USPL1: variants seen among roughly 807,000 people sequenced by gnomAD.
USPL1 encodes SUMO-specific isopeptidase USPL1.
Under a neutral mutation model 51.5 loss-of-function variants are expected in USPL1, and 27 were observed. The ratio of observed to expected loss-of-function variants is 0.52; its 90% confidence interval spans 0.39 to 0.72. The LOEUF (loss-of-function observed/expected upper bound fraction) is 0.72. Ranked by LOEUF, USPL1 falls within the 30% of genes least tolerant of loss-of-function variation. The pLI is 0.00. For missense variants in USPL1, 1,226 were observed against 1,268.0 expected, an observed-to-expected ratio of 0.97 and a Z score of 0.50; for synonymous variants, 451 against 459.6, an observed-to-expected ratio of 0.98 and a Z score of 0.24.
chr13:30,650,348 G>C (rs112192927), intron 7 of USPL1, among the ~76,000 whole-genome samples: 8 of 151,860 alleles, frequency 5.3e-5, no homozygotes, highest in Non-Finnish European at 1.0e-4. Context: ...AGGCTGAAGC[G>C]GACAGATCAC....
chr13:30,645,894 T>G (rs145586231), intron 6 of USPL1, among the ~76,000 whole-genome samples: 34 of 152,346 alleles, frequency 2.2e-4, no homozygotes, highest in African/African-American at 7.5e-4. Context: ...TGCACATAGT[T>G]TAAGTGTTCA....
intron 8 of USPL1, among the ~76,000 whole-genome samples, chr13:30,654,774 CAT>C (rs1287556345): frequency 6.6e-6 from 1 of 151,994 alleles, no homozygotes; most frequent in South Asian, 2.1e-4. Context: ...TCAGAGAATT[CAT>C]ATGTCTGTTA....
In USPL1 at chr13:30,621,846, A is replaced by C; in HGVS notation, c.182A>C (p.Tyr61Ser). 6.3e-7 allele frequency: 1 copy of C among 1,582,358 alleles called. No individual in the cohort carries two copies. The highest frequency in any genetic ancestry group is 8.6e-7 in the Non-Finnish European group (1 of 1,165,926). ...GGAAAGTTAAAAGCCTTAAAGACTT[A>C]CCGAATTAGTTTTCAAGAATCTATC... ...EKGKLKALKTYRISFQESIFL... is the reference protein window; with the variant it reads ...EKGKLKALKTSRISFQESIFL... The change falls in exon 3 of 9, where the codon TAC (tyrosine) becomes TCC (serine). Residue 61 changes from tyrosine (Y) to serine (S), a missense_variant. Transcript: ENST00000255304.
chr13:30,626,683 G>A (rs1388443162), intron 3 of USPL1, among the ~76,000 whole-genome samples: 1 of 152,074 alleles, frequency 6.6e-6, no homozygotes, highest in African/African-American at 2.4e-5. Flanking sequence ...TTTTAGTCAG[G>A]TATTTACATT....
chr13:30,625,492 CTGG>C (rs1950702956), intron 3 of USPL1, among the ~76,000 whole-genome samples: 3 of 138,080 alleles, frequency 2.2e-5, no homozygotes, highest in African/African-American at 8.5e-5. Context: ...TGTCACGAGG[CTGG>C]AGTGCAGTGG....
intron 8 of USPL1, 45 bp from the exon 9 acceptor site, chr13:30,657,429 G>A: frequency 3.3e-6 from 5 of 1,529,082 alleles, no homozygotes; most frequent in Non-Finnish European, 4.4e-6. Flanking sequence ...AACCTAGGAT[G>A]GTGGTTTTTG....
At chr13:30,633,772 G>GA (rs1281862753) in intron 4 of USPL1, among the ~76,000 whole-genome samples, 1 of 131,252 alleles carries the variant, frequency 7.6e-6, no homozygotes, top group Non-Finnish European at 1.6e-5. Flanking sequence ...GTGATAGAAT[G>GA]AGACTCTGTC....
chr13:30,647,016 T>C lies in USPL1; in HGVS notation c.1197T>C (p.Asn399=), dbSNP rs2137690808. The stretch of plus-strand genomic sequence containing the variant: ...CTGCCCATTTTGGTCCATGTAACAA[T>C]TGCAACAGTAAATCACAAATAAGAA... ...LNAAHFGPCN[N]CNSKSQIRKM... Residue 399 remains asparagine, a synonymous_variant, in exon 7 of 9, where the codon AAT becomes AAC. Coordinates refer to ENST00000255304, the MANE Select transcript of USPL1 (RefSeq NM_005800.5). 1 of 1,613,416 alleles carries C rather than the reference T, an allele frequency of 6.2e-7. No individual in the cohort carries two copies. The highest frequency in any genetic ancestry group is 8.5e-7 in the Non-Finnish European group (1 of 1,179,368).
intron 4 of USPL1, among the ~76,000 whole-genome samples, chr13:30,636,520 G>A (rs1245740185): frequency 6.6e-6 from 1 of 152,184 alleles, no homozygotes; most frequent in Non-Finnish European, 1.5e-5. Context: ...TTAAGAGTAA[G>A]TAGAGTCAGA....
At chr13:30,645,158 C>G (rs1411615370) in intron 6 of USPL1, among the ~76,000 whole-genome samples, 2 of 152,196 alleles carry the variant, frequency 1.3e-5, no homozygotes, top group Non-Finnish European at 1.5e-5. Flanking sequence ...ACTCCTTAAT[C>G]ACTACCTGGG....
chr13:30,642,404 A>G (rs1244643790), intron 5 of USPL1, among the ~76,000 whole-genome samples: 1 of 152,146 alleles, frequency 6.6e-6, no homozygotes, highest in Non-Finnish European at 1.5e-5. Context: ...TCTGCCAAGG[A>G]AAAGGAAAGA....
rs779340768 is a variant in USPL1, at chr13:30,658,777, G to T, written c.2700G>T (p.Lys900Asn). The change falls in exon 9 of 9, where the codon AAG becomes AAT. Residue 900 changes from lysine (K) to asparagine (N), a missense_variant. By Grantham distance (94) the Lys-to-Asn change is moderately conservative. Transcript: ENST00000255304. The stretch of plus-strand genomic sequence containing the variant: ...TTCGTAAAAAGCTAAAGGCAGAAAA[G>T]AAGAAATTAGCTGCTCTTATGTCTT... ...LKLRKKLKAE[K>N]KKLAALMSSP... is the part of the protein sequence containing the mutation. The T allele has an allele frequency of 6.2e-7, 1 of 1,614,084 alleles. No individual in the cohort carries two copies. Among genetic ancestry groups the T allele is most frequent in the East Asian group, 2.2e-5 (1 of 44,890 alleles).
At chr13:30,621,984 T>G (rs1437583933) in intron 3 of USPL1, 92 bp downstream of exon 3, 3 of 951,212 alleles carry the variant, frequency 3.2e-6, no homozygotes, top group Non-Finnish European at 2.8e-6. Flanking sequence ...CATTTTTTGT[T>G]TTTTAGACTA....
At chr13:30,640,902 G>A (rs1469282059) in intron 5 of USPL1, among the ~76,000 whole-genome samples, 3 of 152,152 alleles carry the variant, frequency 2.0e-5, no homozygotes, top group Admixed American at 6.5e-5. Context: ...TACCTTGGAT[G>A]ATCATATTCT....
intron 5 of USPL1, among the ~76,000 whole-genome samples, chr13:30,640,490 G>T (rs1473214142): frequency 4.6e-5 from 7 of 152,170 alleles, no homozygotes; most frequent in African/African-American, 1.7e-4. Flanking sequence ...AGGAGTTCAA[G>T]ATCAGCCTGG....
intron 7 of USPL1, among the ~76,000 whole-genome samples, chr13:30,648,093 T>C (rs1474867882): frequency 6.6e-6 from 1 of 152,192 alleles, no homozygotes; most frequent in Non-Finnish European, 1.5e-5. Flanking sequence ...TCAATGCAAT[T>C]GCGTATTTGG....
chr13:30,625,452 T>G (rs945168492), intron 3 of USPL1, among the ~76,000 whole-genome samples: 35 of 146,244 alleles, frequency 2.4e-4, no homozygotes, highest in African/African-American at 7.7e-4. Context: ...TTGTTTTTTT[T>G]TTTTTTTTTT....
chr13:30,623,326 A>G (rs1950668389), intron 3 of USPL1, among the ~76,000 whole-genome samples: 1 of 152,088 alleles, frequency 6.6e-6, no homozygotes, highest in African/African-American at 2.4e-5. Context: ...AGCTGGACCA[A>G]GTAGGGTCTT....
In USPL1 at chr13:30,657,877, G is replaced by A. The variant is rs926622801; in HGVS notation, c.1800G>A (p.Gln600=). ...ETIQKTASVS[Q]LNSEAFLLEN... is the part of the protein sequence containing the mutation. ...TCCAGAAAACAGCCTCAGTTTCACA[G>A]TTAAATTCTGAAGCTTTCCTGTTAG... Residue 600 remains glutamine, a synonymous_variant, in exon 9 of 9, where the codon CAG becomes CAA. Transcript: ENST00000255304. The A allele has an allele frequency of 1.2e-6, 2 of 1,613,854 alleles. No homozygotes were observed. Among genetic ancestry groups the A allele is most frequent in the African/African-American group, 2.7e-5 (2 of 74,916 alleles).
Sources: gnomAD v4.1 joint callset for allele counts (sites outside exome capture counted in the v4.1 genomes callset) on GRCh38, gnomAD v4.1.1 for gene constraint, MANE v1.5 for transcripts, NCBI Gene and HGNC (gene_info 2026-07-23, HGNC 2026-07-21) for gene names.